Variants in CNTN5 observed in about 807,000 individuals in gnomAD.
CNTN5 encodes contactin-5.
CNTN5 carries 77 observed loss-of-function variants against 129.1 expected under a neutral mutation model. That is an observed-to-expected ratio of 0.60 (90% CI 0.50 to 0.72). The LOEUF (loss-of-function observed/expected upper bound fraction) is 0.72. CNTN5 is among the 30% of genes least tolerant of loss of function. The pLI, the probability that CNTN5 is intolerant of heterozygous loss-of-function variation, is 0.00. For missense variants in CNTN5, 1,478 were observed against 1,328.8 expected (o/e 1.11, Z -1.75); for synonymous variants, 509 against 465.6 (o/e 1.09, Z -1.20).
intron 3 of CNTN5, among the ~76,000 whole-genome samples, chr11:99,680,348 A>G (rs1018574051): frequency 6.6e-6 from 1 of 152,138 alleles, no homozygotes; most frequent in African/African-American, 2.4e-5. Context: ...TTAAGTTGTA[A>G]TGCACCTGAT....
At chr11:99,468,500 C>T (rs926421894) in intron 2 of CNTN5, among the ~76,000 whole-genome samples, 36 of 152,126 alleles carry the variant, frequency 2.4e-4, no homozygotes, top group African/African-American at 6.0e-4. Flanking sequence ...CTCTAGCTGC[C>T]GCCAACAGCC....
At chr11:99,365,054 G>C (rs950598929) in intron 2 of CNTN5, among the ~76,000 whole-genome samples, 1 of 152,094 alleles carries the variant, frequency 6.6e-6, no homozygotes, top group African/African-American at 2.4e-5. Flanking sequence ...ATCTAAATTA[G>C]ACCAACAGGA....
intron 13 of CNTN5, among the ~76,000 whole-genome samples, chr11:100,101,232 A>G (rs983714624): frequency 6.6e-6 from 1 of 152,116 alleles, no homozygotes; most frequent in Non-Finnish European, 1.5e-5. Flanking sequence ...TATGAGTAGA[A>G]GAGGAGCTTT....
intron 1 of CNTN5, among the ~76,000 whole-genome samples, chr11:99,259,292 G>A (rs537054370): frequency 3.8e-4 from 58 of 150,970 alleles, no homozygotes; most frequent in South Asian, 1.0e-3. Context: ...TTTCCTCTGC[G>A]CCCTTACTTC....
intron 1 of CNTN5, among the ~76,000 whole-genome samples, chr11:99,118,963 T>C (rs1437484130): frequency 6.6e-6 from 1 of 152,052 alleles, no homozygotes; most frequent in Non-Finnish European, 1.5e-5. Flanking sequence ...TTATGGTAGA[T>C]AATATTTTGG....
intron 2 of CNTN5, among the ~76,000 whole-genome samples, chr11:99,477,227 A>G (rs1945404794): frequency 6.6e-6 from 1 of 152,018 alleles, no homozygotes; most frequent in Non-Finnish European, 1.5e-5. Context: ...TATTAATATT[A>G]CACAATTGAG....
chr11:100,020,708 C>A (rs1156461127), intron 9 of CNTN5, among the ~76,000 whole-genome samples: 1 of 151,804 alleles, frequency 6.6e-6, no homozygotes. Flanking sequence ...CTATTAGAAC[C>A]AATAAACAAA....
At chr11:100,325,803 A>G (rs918033056) in intron 21 of CNTN5, among the ~76,000 whole-genome samples, 1 of 152,230 alleles carries the variant, frequency 6.6e-6, no homozygotes, top group African/African-American at 2.4e-5. Context: ...TCATTTTTAG[A>G]ACAGTTGAAG....
intron 13 of CNTN5, among the ~76,000 whole-genome samples, chr11:100,095,907 A>T (rs1944994072): frequency 6.6e-6 from 1 of 152,076 alleles, no homozygotes; most frequent in South Asian, 2.1e-4. Context: ...CTCCAGTTAT[A>T]ATAAGTGTTT....
At position 99,392,096 on chromosome 11, in the gene CNTN5, C is replaced by T. The variant is rs1027479985; in HGVS notation, c.-71+66612C>T. On this transcript the variant is annotated intron_variant, in intron 2 of 24. Transcript: ENST00000524871. ...GTGAGGTGTGTAGAACTTGGACTAC[C>T]CTAAGGCTCAGTTTTATAAAATTTA... Among the ~76,000 whole-genome samples the T allele has an allele frequency of 3.3e-5, 5 of 150,776 alleles. No homozygotes were observed. The East Asian group carries it at 9.8e-4, about 29-fold the overall frequency.
chr11:99,588,033 G>C (rs1041600844), intron 3 of CNTN5, among the ~76,000 whole-genome samples: 3 of 152,134 alleles, frequency 2.0e-5, no homozygotes, highest in Non-Finnish European at 4.4e-5. Flanking sequence ...TCTCCACTGT[G>C]AGCCCAAAAT....
chr11:100,143,464 G>A (rs1481481704), intron 13 of CNTN5, among the ~76,000 whole-genome samples: 1 of 152,010 alleles, frequency 6.6e-6, no homozygotes, highest in Admixed American at 6.6e-5. Context: ...GCAAAACCTA[G>A]TTATACTAGG....
At chr11:99,444,078 G>T (rs1439743022) in intron 2 of CNTN5, among the ~76,000 whole-genome samples, 1 of 151,806 alleles carries the variant, frequency 6.6e-6, no homozygotes, top group African/African-American at 2.4e-5. Context: ...GGCGCCTGTA[G>T]TCCCAGCTCT....
At chr11:99,505,402 G>C (rs1591179320) in intron 2 of CNTN5, among the ~76,000 whole-genome samples, 1 of 152,166 alleles carries the variant, frequency 6.6e-6, no homozygotes, top group Non-Finnish European at 1.5e-5. Context: ...ATTTGCAGAA[G>C]AGAGAAAGAG....
chr11:99,422,755 G>A (rs979905695), intron 2 of CNTN5, among the ~76,000 whole-genome samples: 2 of 151,742 alleles, frequency 1.3e-5, no homozygotes, highest in Non-Finnish European at 2.9e-5. Context: ...TTTGCAGGAA[G>A]ACAAAACAGT....
intron 1 of CNTN5, among the ~76,000 whole-genome samples, chr11:99,177,513 C>A (rs113813273): frequency 1.4e-3 from 219 of 152,250 alleles, no homozygotes; most frequent in Non-Finnish European, 2.2e-3. Flanking sequence ...TCATGAAAAT[C>A]ACTTTTATGT....
At chr11:99,448,729 GTTTTTATTTT>G (rs1944174137) in intron 2 of CNTN5, among the ~76,000 whole-genome samples, 1 of 126,916 alleles carries the variant, frequency 7.9e-6, no homozygotes, top group Non-Finnish European at 1.6e-5. Flanking sequence ...TTGTACAATT[GTTTTTATTTT>G]ATTTTATTTT....
At position 99,556,280 on chromosome 11, in the gene CNTN5, T is replaced by A. The variant is rs1471484385; in HGVS notation, c.55+11T>A. On this transcript the variant is annotated intron_variant, in intron 3 of 24. Coordinates refer to ENST00000524871, the MANE Select transcript of CNTN5 (RefSeq NM_014361.4). ...CCATGTGTCTTTCAGGTAAAAGTCC[T>A]GATTAATTAATTATTTGATTTTCTA... 6 of 1,495,380 alleles carry A rather than the reference T, an allele frequency of 4.0e-6. No individual in the cohort carries two copies. Among genetic ancestry groups the A allele is most frequent in the Non-Finnish European group, 5.4e-6 (6 of 1,108,030 alleles). 92.6% of individuals were successfully genotyped at this position (1,495,380 alleles called of 1,614,324 possible).
chr11:100,268,835 G>A (rs1004613808), intron 17 of CNTN5, among the ~76,000 whole-genome samples: 2 of 149,482 alleles, frequency 1.3e-5, no homozygotes, highest in Non-Finnish European at 2.9e-5. Flanking sequence ...AGGACGGCCC[G>A]AAGATTTGGG....
Sources: gnomAD v4.1 joint callset for allele counts (sites outside exome capture counted in the v4.1 genomes callset) on GRCh38, gnomAD v4.1.1 for gene constraint, MANE v1.5 for transcripts, NCBI Gene and HGNC (gene_info 2026-07-23, HGNC 2026-07-21) for gene names.